The following LRMDA variants were observed in gnomAD, a reference collection of about 807,000 sequenced individuals.
LRMDA encodes the protein leucine-rich melanocyte differentiation-associated protein.
LRMDA carries 18 observed loss-of-function variants against 29.8 expected under a neutral mutation model. That is an observed-to-expected ratio of 0.60 (90% CI 0.42 to 0.90). LRMDA has a LOEUF of 0.90. Among genes scored for constraint, LRMDA ranks in the 40% least tolerant of loss-of-function variants. The pLI is 0.00. For missense variants in LRMDA, 273 were observed against 273.9 expected (o/e 1.00, Z 0.02); for synonymous variants, 125 against 109.4 (o/e 1.14, Z -0.89).
intron 6 of LRMDA, among the ~76,000 whole-genome samples, chr10:76,432,757 A>C (rs931791977): frequency 1.3e-5 from 2 of 152,204 alleles, no homozygotes; most frequent in Non-Finnish European, 2.9e-5. Context: ...CCAGTTAGTC[A>C]TGGACCCTAG....
intron 2 of LRMDA, among the ~76,000 whole-genome samples, chr10:75,769,982 CA>C (rs902119374): frequency 2.0e-5 from 3 of 150,614 alleles, no homozygotes; most frequent in African/African-American, 7.3e-5. Flanking sequence ...GACTCTGTCT[CA>C]AAAAAAAATT....
intron 2 of LRMDA, among the ~76,000 whole-genome samples, chr10:75,795,503 A>G (rs148630168): frequency 2.6e-5 from 4 of 152,182 alleles, no homozygotes; most frequent in Non-Finnish European, 5.9e-5. Flanking sequence ...ACACTCCCCC[A>G]TTCAATTATT....
chr10:75,934,879 A>G (rs1378047347), intron 2 of LRMDA, among the ~76,000 whole-genome samples: 1 of 152,186 alleles, frequency 6.6e-6, no homozygotes, highest in East Asian at 1.9e-4. Flanking sequence ...GTTGGAGCCA[A>G]TCTATTTATA....
At chr10:76,115,833 G>A (rs1849658786) in intron 5 of LRMDA, among the ~76,000 whole-genome samples, 1 of 152,132 alleles carries the variant, frequency 6.6e-6, no homozygotes, top group Non-Finnish European at 1.5e-5. Flanking sequence ...AGGGGGACTG[G>A]AGTGGTGAGG....
At chr10:76,553,045 T>A (rs2637255) in intron 6 of LRMDA, among the ~76,000 whole-genome samples, 123,206 of 152,138 alleles carry the variant, frequency 0.81, 50,649 homozygotes, top group Non-Finnish European at 0.89. Context: ...TTCCTGATAC[T>A]TTTTTTTCAT....
At chr10:75,686,637 GT>G (rs1391159703) in intron 2 of LRMDA, among the ~76,000 whole-genome samples, 1 of 152,176 alleles carries the variant, frequency 6.6e-6, no homozygotes, top group Non-Finnish European at 1.5e-5. Context: ...TACCCCTATA[GT>G]TGTTTGTTTT....
At chr10:76,505,589 T>C (rs1842951567) in intron 6 of LRMDA, among the ~76,000 whole-genome samples, 1 of 152,148 alleles carries the variant, frequency 6.6e-6, no homozygotes, top group African/African-American at 2.4e-5. Flanking sequence ...ATTCTCATAG[T>C]GAATTTTTTC....
chr10:76,493,888 T>G (rs1394385376), intron 6 of LRMDA, among the ~76,000 whole-genome samples: 2 of 152,104 alleles, frequency 1.3e-5, no homozygotes, highest in African/African-American at 4.8e-5. Context: ...TTAGATTTAT[T>G]TCTCTCAGCA....
At chr10:75,554,431 G>A (rs535189763) in intron 2 of LRMDA, among the ~76,000 whole-genome samples, 1 of 152,282 alleles carries the variant, frequency 6.6e-6, no homozygotes, top group South Asian at 2.1e-4. Flanking sequence ...TTGATGTGAT[G>A]AGGTAGGTGT....
chr10:76,369,988 A>G (rs925384444), intron 6 of LRMDA, among the ~76,000 whole-genome samples: 13 of 152,166 alleles, frequency 8.5e-5, no homozygotes, highest in African/African-American at 3.1e-4. Context: ...CTTGCAGCAC[A>G]GTGGGAAATG....
chr10:76,033,336 G>A (rs1312559497), intron 2 of LRMDA, among the ~76,000 whole-genome samples: 3 of 152,116 alleles, frequency 2.0e-5, no homozygotes, highest in Admixed American at 6.5e-5. Context: ...AGCTAATAAC[G>A]TCACATAGCA....
intron 6 of LRMDA, among the ~76,000 whole-genome samples, chr10:76,545,376 AT>A (rs1289943877): frequency 1.3e-5 from 2 of 151,636 alleles, no homozygotes; most frequent in African/African-American, 4.8e-5. Context: ...CAAAGCCAAA[AT>A]TCCCATTCAG....
intron 2 of LRMDA, among the ~76,000 whole-genome samples, chr10:75,875,848 A>G (rs1845188314): frequency 6.6e-6 from 1 of 152,206 alleles, no homozygotes; most frequent in African/African-American, 2.4e-5. Flanking sequence ...GGAAGACATG[A>G]GACCTGATTT....
At chr10:76,285,412 G>A (rs1840259338) in intron 5 of LRMDA, among the ~76,000 whole-genome samples, 1 of 144,592 alleles carries the variant, frequency 6.9e-6, no homozygotes, top group East Asian at 2.0e-4. Context: ...GTCAATGTGA[G>A]TGGCTAATTG....
chr10:76,389,483 C>T (rs1245974684), intron 6 of LRMDA, among the ~76,000 whole-genome samples: 5 of 152,188 alleles, frequency 3.3e-5, no homozygotes, highest in Non-Finnish European at 7.3e-5. Context: ...ATATATAAAA[C>T]TTAAAATTCA....
Position 76,235,713 on chromosome 10 carries a change from G to C in LRMDA, c.517-88688G>C, listed in dbSNP as rs145989633. Among the ~76,000 whole-genome samples the C allele has an allele frequency of 6.4e-3, 974 of 152,268 alleles. 18 individuals carry two copies. Among genetic ancestry groups the C allele is most frequent in the African/African-American group, 0.022 (923 of 41,544 alleles). On this transcript the variant is annotated intron_variant, in intron 5 of 6. Transcript: ENST00000611255. Reference sequence around the variant, plus strand: ...ACAGGAGTAGAAGCTTGGAATTTCTGGGGGCTGGCAGGGACATGAGTTTTG... The same window carrying C: ...ACAGGAGTAGAAGCTTGGAATTTCTCGGGGCTGGCAGGGACATGAGTTTTG...
At chr10:75,936,737 C>T (rs1210463806) in intron 2 of LRMDA, among the ~76,000 whole-genome samples, 1 of 152,170 alleles carries the variant, frequency 6.6e-6, no homozygotes, top group Non-Finnish European at 1.5e-5. Context: ...CAAAATCTCT[C>T]TGAGGTCTCT....
chr10:75,811,361 A>G (rs557909921), intron 2 of LRMDA, among the ~76,000 whole-genome samples: 3 of 152,290 alleles, frequency 2.0e-5, no homozygotes, highest in East Asian at 3.9e-4. Flanking sequence ...GAATCCATTA[A>G]TGATAAGTTA....
chr10:75,807,546 G>A (rs528376427), intron 2 of LRMDA, among the ~76,000 whole-genome samples: 3 of 152,278 alleles, frequency 2.0e-5, no homozygotes, highest in East Asian at 1.9e-4. Flanking sequence ...TTGCACATTC[G>A]ACAAACTTTT....
Sources: allele counts gnomAD v4.1 joint callset (sites outside exome capture counted in the v4.1 genomes callset), GRCh38; gene constraint gnomAD v4.1.1; transcripts MANE v1.5; gene names NCBI Gene and HGNC (gene_info 2026-07-23, HGNC 2026-07-21).